Variants in NRIP1 observed in about 807,000 individuals in gnomAD.
The protein encoded by NRIP1 is nuclear receptor interacting protein 1, also known as nuclear receptor-interacting protein 1.
In NRIP1, 28 loss-of-function variants were observed where a neutral mutation model predicts 75.0. That is an observed-to-expected ratio of 0.37 (90% CI 0.28 to 0.51). The LOEUF (loss-of-function observed/expected upper bound fraction) is 0.51. Among genes scored for constraint, NRIP1 ranks in the 20% least tolerant of loss-of-function variants. The probability of loss-of-function intolerance (pLI) is 0.92; values close to 1 mark genes in which losing one functional copy is unlikely to be tolerated. For missense variants in NRIP1, 1,435 were observed against 1,343.7 expected, an observed-to-expected ratio of 1.07 and a Z score of -1.06; for synonymous variants, 526 against 487.6, an observed-to-expected ratio of 1.08 and a Z score of -1.04.
chr21:14,995,766 CGT>C lies in NRIP1; in HGVS notation c.-335+18576_-335+18577del, dbSNP rs55916377. Among the ~76,000 whole-genome samples, 587 of 149,046 alleles carry C rather than the reference CGT, an allele frequency of 3.9e-3. 4 individuals are homozygous for C. The highest frequency in any genetic ancestry group is 0.01 in the Middle Eastern group (3 of 290). ...GTGATAACTGGTTTAGCTGTGTGTGCGTGTGTGTGTGTGTGTGTGTGTATTAC... is the reference window on the plus strand; with the variant it reads ...GTGATAACTGGTTTAGCTGTGTGTGCGTGTGTGTGTGTGTGTGTGTATTAC... On this transcript the variant is annotated intron_variant, in intron 3 of 3. Coordinates refer to ENST00000318948, the MANE Select transcript of NRIP1 (RefSeq NM_003489.4).
chr21:15,060,033 C>T (rs2089390831), intron 1 of NRIP1, among the ~76,000 whole-genome samples: 1 of 151,980 alleles, frequency 6.6e-6, no homozygotes, highest in African/African-American at 2.4e-5. Flanking sequence ...AGCTAAAATA[C>T]CACAACTTTT....
intron 3 of NRIP1, among the ~76,000 whole-genome samples, chr21:14,994,314 G>A (rs771633908): frequency 7.2e-5 from 11 of 152,120 alleles, no homozygotes; most frequent in Non-Finnish European, 8.8e-5. Flanking sequence ...TAGTAGAGAC[G>A]AGGTTTCGCC....
chr21:15,029,541 A>G (rs1484477567), intron 2 of NRIP1, among the ~76,000 whole-genome samples: 1 of 152,104 alleles, frequency 6.6e-6, no homozygotes, highest in Non-Finnish European at 1.5e-5. Context: ...GCTTTATCTT[A>G]TTTGTCTATC....
intron 2 of NRIP1, among the ~76,000 whole-genome samples, chr21:15,016,997 AAAAG>A (rs1300586593): frequency 1.3e-5 from 2 of 151,830 alleles, no homozygotes; most frequent in Admixed American, 1.3e-4. Flanking sequence ...AAAAGAAAGA[AAAAG>A]AAAAGAATGA....
At chr21:14,983,501 G>GA (rs1249524135) in intron 3 of NRIP1, among the ~76,000 whole-genome samples, 5 of 152,210 alleles carry the variant, frequency 3.3e-5, no homozygotes, top group African/African-American at 1.2e-4. Flanking sequence ...AATGCTGACA[G>GA]AAAAGCTCAG....
At chr21:15,008,688 A>T (rs1038108979) in intron 3 of NRIP1, among the ~76,000 whole-genome samples, 1 of 152,208 alleles carries the variant, frequency 6.6e-6, no homozygotes, top group African/African-American at 2.4e-5. Flanking sequence ...ACATTATTGG[A>T]ATAAAAATAT....
At chr21:15,018,414 G>A (rs1355026680) in intron 2 of NRIP1, among the ~76,000 whole-genome samples, 1 of 152,128 alleles carries the variant, frequency 6.6e-6, no homozygotes, top group Non-Finnish European at 1.5e-5. Context: ...AAAGCAAGAG[G>A]TAGAGAGGAA....
At chr21:15,054,874 G>A (rs573234793) in intron 1 of NRIP1, among the ~76,000 whole-genome samples, 8 of 152,174 alleles carry the variant, frequency 5.3e-5, no homozygotes, top group East Asian at 1.9e-4. Flanking sequence ...CAATCAGGGC[G>A]TACACAAAAC....
At position 14,966,758 on chromosome 21, in the gene NRIP1, C is replaced by G; in HGVS notation, c.1435G>C (p.Asp479His). ...NTWDPKVPDVDIKEDQDTSKN... is the reference protein window; with the variant it reads ...NTWDPKVPDVHIKEDQDTSKN... ...GAGGTATCTTGATCTTCTTTGATAT[C>G]TACATCTGGGACTTTTGGATCCCAA... Residue 479 changes from aspartate (D) to histidine (H), a missense_variant, in exon 4 of 4, where the codon GAT becomes CAT. Asp to His is a moderately conservative substitution (Grantham distance 81). Coordinates refer to ENST00000318948, the MANE Select transcript of NRIP1 (RefSeq NM_003489.4). 2 of 1,614,028 alleles carry G rather than the reference C, an allele frequency of 1.2e-6. No individual in the cohort carries two copies. The highest frequency in any genetic ancestry group is 8.5e-7 in the Non-Finnish European group (1 of 1,179,972).
intron 3 of NRIP1, among the ~76,000 whole-genome samples, chr21:14,987,553 G>T (rs1030839252): frequency 2.6e-5 from 4 of 152,170 alleles, no homozygotes; most frequent in African/African-American, 4.8e-5. Flanking sequence ...GCAATCAAAG[G>T]AAGACAAATG....
At chr21:15,007,726 T>C (rs1007025391) in intron 3 of NRIP1, among the ~76,000 whole-genome samples, 1 of 152,206 alleles carries the variant, frequency 6.6e-6, no homozygotes, top group Non-Finnish European at 1.5e-5. Flanking sequence ...AATGTGGTTC[T>C]TGGAGCTAAG....
At chr21:15,019,415 T>G (rs550522395) in intron 2 of NRIP1, among the ~76,000 whole-genome samples, 67 of 139,890 alleles carry the variant, frequency 4.8e-4, no homozygotes, top group African/African-American at 1.7e-3. Flanking sequence ...CCCAAAATAA[T>G]TAATAAAAAA....
intron 2 of NRIP1, among the ~76,000 whole-genome samples, chr21:15,030,878 C>A (rs969089824): frequency 2.0e-5 from 3 of 150,900 alleles, no homozygotes; most frequent in Non-Finnish European, 4.4e-5. Context: ...TATGTGTGTA[C>A]ACTCTGGAAG....
At chr21:15,031,648 A>G (rs75168311) in intron 2 of NRIP1, among the ~76,000 whole-genome samples, 7 of 46,880 alleles carry the variant, frequency 1.5e-4, no homozygotes, top group East Asian at 2.1e-3. Flanking sequence ...CGCTCGGAGG[A>G]TCACTACATT....
chr21:15,053,846 A>G (rs1310426627), intron 1 of NRIP1, among the ~76,000 whole-genome samples: 1 of 152,246 alleles, frequency 6.6e-6, no homozygotes, highest in African/African-American at 2.4e-5. Flanking sequence ...AAAAAGAAAC[A>G]ACAAACAACT....
intron 3 of NRIP1, among the ~76,000 whole-genome samples, chr21:15,004,317 C>T (rs955677687): frequency 6.6e-6 from 1 of 152,156 alleles, no homozygotes; most frequent in Non-Finnish European, 1.5e-5. Context: ...AACTGCTTTG[C>T]TAATATCATA....
intron 3 of NRIP1, chr21:14,971,619 C>G (rs2086904958): frequency 6.6e-6 from 1 of 152,154 alleles, no homozygotes; most frequent in African/African-American, 2.4e-5. Context: ...ATAAAAATAT[C>G]TTCTCCTCAT....
Position 14,964,818 on chromosome 21 carries a change from G to T in NRIP1, c.3375C>A (p.Tyr1125Ter), listed in dbSNP as rs76741110. ...AAGCATTATTTCCCATATGGCTATT[G>T]TAAGGGCTTCTTAAATTAAAGAAAG... The part of the protein sequence containing the change: ...KASFFNLRSP[Y>*]NSHMGNNASR... The change falls in exon 4 of 4, where the codon TAC becomes TAA. Residue 1125 changes from tyrosine (Y) to a stop codon, truncating the protein, a stop_gained. Transcript: ENST00000318948. LOFTEE classifies it high-confidence loss of function. 3 of 1,613,314 alleles carry T rather than the reference G, an allele frequency of 1.9e-6. No individual in the cohort carries two copies. The highest frequency in any genetic ancestry group is 1.7e-6 in the Non-Finnish European group (2 of 1,179,668).
intron 2 of NRIP1, among the ~76,000 whole-genome samples, chr21:15,027,050 G>C (rs7282564): frequency 0.036 from 5,414 of 152,052 alleles, 254 homozygotes; most frequent in African/African-American, 0.11. Context: ...AAAAAAATTT[G>C]AAACAGCAAG....
Sources: gnomAD v4.1 joint callset for allele counts (sites outside exome capture counted in the v4.1 genomes callset) on GRCh38, gnomAD v4.1.1 for gene constraint, MANE v1.5 for transcripts, NCBI Gene and HGNC (gene_info 2026-07-23, HGNC 2026-07-21) for gene names.